The following CD96 variants were observed in gnomAD, a reference collection of about 807,000 sequenced individuals.
The protein encoded by CD96 is CD96 molecule, also known as T-cell surface protein tactile.
A neutral mutation model predicts 71.3 loss-of-function variants in CD96; 70 were observed. That is an observed-to-expected ratio of 0.98 (90% CI 0.81 to 1.20). The LOEUF (loss-of-function observed/expected upper bound fraction) is 1.20. Ranked by LOEUF, CD96 falls within the 50% of genes most tolerant of loss-of-function variation. The pLI is 0.00. For missense variants in CD96, 742 were observed against 677.5 expected (o/e 1.10, Z -1.06); for synonymous variants, 248 against 233.0 (o/e 1.06, Z -0.59).
intron 8 of CD96, among the ~76,000 whole-genome samples, chr3:111,618,398 A>C (rs1297849675): frequency 6.6e-6 from 1 of 152,212 alleles, no homozygotes; most frequent in Non-Finnish European, 1.5e-5. Flanking sequence ...TACAATTATT[A>C]GGAGAATCAA....
intron 2 of CD96, among the ~76,000 whole-genome samples, chr3:111,563,558 T>C (rs567402250): frequency 2.6e-5 from 4 of 152,322 alleles, no homozygotes; most frequent in African/African-American, 9.6e-5. Flanking sequence ...ATGACTACCT[T>C]TAGTCAATTT....
intron 1 of CD96, 43 bp from the exon 2 acceptor site, chr3:111,545,003 A>G (rs773072611): frequency 2.7e-6 from 4 of 1,509,254 alleles, no homozygotes; most frequent in Admixed American, 1.7e-5. Flanking sequence ...GCGTCATTCT[A>G]TGTGAATTAT....
At chr3:111,545,570 A>G (rs1355054838) in intron 2 of CD96, among the ~76,000 whole-genome samples, 168 bp downstream of exon 2, 1 of 152,234 alleles carries the variant, frequency 6.6e-6, no homozygotes, top group Non-Finnish European at 1.5e-5. Flanking sequence ...ATTTAAGTAA[A>G]TAAATGTAAA....
intron 14 of CD96, among the ~76,000 whole-genome samples, chr3:111,660,670 C>T (rs1437513767): frequency 2.6e-5 from 4 of 152,142 alleles, no homozygotes; most frequent in South Asian, 2.1e-4. Context: ...CAAAAACAGA[C>T]ACATAAACCC....
rs1188505785 is a variant in CD96 at position 111,587,350 on chromosome 3, G to A, written c.807+1972G>A. Reference sequence around the variant, plus strand: ...TGGTGGATCTACCATTCTGTGGTCTGAAGGATGGTAGTCCTCTTCTCACAT... The same window carrying A: ...TGGTGGATCTACCATTCTGTGGTCTAAAGGATGGTAGTCCTCTTCTCACAT... On this transcript the variant is annotated intron_variant, in intron 5 of 13. Transcript: ENST00000352690. 2.6e-5 allele frequency among the ~76,000 whole-genome samples: 4 copies of A among 152,100 alleles called. No individual in the cohort carries two copies. In the East Asian group the frequency reaches 5.8e-4, roughly 22 times the overall value.
chr3:111,587,947 C>T (rs1936793306), intron 5 of CD96, among the ~76,000 whole-genome samples: 1 of 152,166 alleles, frequency 6.6e-6, no homozygotes, highest in Non-Finnish European at 1.5e-5. Context: ...TCCTCCTAAA[C>T]CTCTGGGCCT....
At chr3:111,542,680 C>T (rs534684776) in intron 1 of CD96, among the ~76,000 whole-genome samples, 2 of 152,336 alleles carry the variant, frequency 1.3e-5, no homozygotes, top group South Asian at 2.1e-4. Flanking sequence ...AAGCCATCAA[C>T]GCTCAGAGAT....
chr3:111,654,447 A>G (rs904860793), downstream of CD96, among the ~76,000 whole-genome samples: 1 of 152,200 alleles, frequency 6.6e-6, no homozygotes. Context: ...TGCATCTGTG[A>G]TGGGTCTTGA....
intron 10 of CD96, among the ~76,000 whole-genome samples, chr3:111,624,821 A>T (rs909647540): frequency 2.6e-5 from 4 of 152,282 alleles, no homozygotes; most frequent in African/African-American, 9.6e-5. Flanking sequence ...GCGTATCAGT[A>T]ATAAAAATGA....
At chr3:111,664,574 A>G (rs368136301) in intron 14 of CD96, among the ~76,000 whole-genome samples, 1 of 152,226 alleles carries the variant, frequency 6.6e-6, no homozygotes, top group Admixed American at 6.5e-5. Flanking sequence ...CTCACTACCT[A>G]AATGAAAAGA....
At chr3:111,594,327 C>T in intron 5 of CD96, 1 of 1,203,462 alleles carries the variant, frequency 8.3e-7, no homozygotes, top group South Asian at 1.6e-5. Context: ...CAATAATGGC[C>T]AAAGTCTGGC....
Position 111,562,244 on chromosome 3 carries a change from C to T in CD96, c.419-5279C>T, listed in dbSNP as rs370862482. 4.6e-5 allele frequency among the ~76,000 whole-genome samples: 7 copies of T among 152,302 alleles called. No individual in the cohort carries two copies. In the East Asian group the frequency reaches 7.7e-4, roughly 17 times the overall value. Reference sequence around the variant, plus strand: ...ATCTTGGCTCCTCCCCGAATAACAACTTCTTTGAAGTCTCTTAAATTCAAC... The same window carrying T: ...ATCTTGGCTCCTCCCCGAATAACAATTTCTTTGAAGTCTCTTAAATTCAAC... On this transcript the variant is annotated intron_variant, in intron 2 of 13. Coordinates refer to ENST00000352690, the MANE Select transcript of CD96 (RefSeq NM_005816.5).
At chr3:111,593,578 C>T (rs775587783) in intron 5 of CD96, 1 of 1,541,068 alleles carries the variant, frequency 6.5e-7, no homozygotes, top group South Asian at 1.2e-5. Flanking sequence ...CTGCTGCAGG[C>T]AGCTCTTTCT....
intron 2 of CD96, among the ~76,000 whole-genome samples, chr3:111,546,201 C>A (rs534779694): frequency 1.2e-4 from 18 of 151,914 alleles, no homozygotes; most frequent in Admixed American, 7.9e-4. Flanking sequence ...AAGACAAGGG[C>A]AGTATGAAGG....
chr3:111,589,135 A>G (rs1936854946), intron 5 of CD96, among the ~76,000 whole-genome samples: 1 of 151,776 alleles, frequency 6.6e-6, no homozygotes, highest in Non-Finnish European at 1.5e-5. Context: ...TATTTTTAGT[A>G]GAGATGGGGT....
chr3:111,640,084 C>G (rs749235289), intron 12 of CD96, among the ~76,000 whole-genome samples: 2 of 152,180 alleles, frequency 1.3e-5, no homozygotes, highest in Non-Finnish European at 2.9e-5. Flanking sequence ...TCAACACCCC[C>G]CAAAACAATC....
At chr3:111,570,808 G>C in intron 3 of CD96, 1 of 1,613,652 alleles carries the variant, frequency 6.2e-7, no homozygotes, top group South Asian at 1.1e-5. Context: ...GGTGGCCCTG[G>C]AGGCACCGGG....
intron 5 of CD96, chr3:111,593,604 CCTT>C: frequency 6.4e-7 from 1 of 1,565,978 alleles, no homozygotes; most frequent in Non-Finnish European, 8.7e-7. Flanking sequence ...TGGCATGCCT[CCTT>C]CTCAGCCCTC....
At chr3:111,568,198 C>T (rs1392886040) in intron 3 of CD96, among the ~76,000 whole-genome samples, 1 of 152,008 alleles carries the variant, frequency 6.6e-6, no homozygotes, top group Non-Finnish European at 1.5e-5. Context: ...GGCTGCAGGC[C>T]TATAGTTGCA....
Sources: allele counts gnomAD v4.1 joint callset (sites outside exome capture counted in the v4.1 genomes callset), GRCh38; gene constraint gnomAD v4.1.1; transcripts MANE v1.5; gene names NCBI Gene and HGNC (gene_info 2026-07-23, HGNC 2026-07-21).